ATP2A2: variants seen among roughly 807,000 people sequenced by gnomAD.
The protein encoded by ATP2A2 is sarcoplasmic/endoplasmic reticulum calcium ATPase 2.
Under a neutral mutation model 109.3 loss-of-function variants are expected in ATP2A2, and 14 were observed. The observed-to-expected ratio is 0.13, with a 90% CI of 0.08 to 0.20. The LOEUF is 0.20. ATP2A2 is among the 10% of genes least tolerant of loss of function. ATP2A2 has a pLI of 1.00. For synonymous variants in ATP2A2, 506 were observed against 490.9 expected (o/e 1.03, Z -0.41); for missense variants, 657 against 1,321.6 (o/e 0.50, Z 7.80).
rs368907295 is a variant in ATP2A2 at position 110,301,461 on chromosome 12, AT to A, written c.463+4730del. ...TGTGAGAAACTTGGAAGTCATCTTG[AT>A]TTTTTCCCCCCTCTTATCCTCTGAT... On this transcript the variant is annotated intron_variant, in intron 5 of 19. Coordinates refer to ENST00000539276, the MANE Select transcript of ATP2A2 (RefSeq NM_170665.4). 7.1e-3 allele frequency among the ~76,000 whole-genome samples: 1,082 copies of A among 151,978 alleles called. 12 individuals carry two copies. Among genetic ancestry groups the A allele is most frequent in the African/African-American group, 0.021 (855 of 41,442 alleles).
At chr12:110,333,039 C>A in intron 9 of ATP2A2, 142 bp from the exon 10 acceptor site, 1 of 768,786 alleles carries the variant, frequency 1.3e-6, no homozygotes, top group Non-Finnish European at 2.3e-6. Context: ...TTGGCTCTGG[C>A]ATCAAATTGT....
chr12:110,317,020 A>G (rs1000917350), intron 5 of ATP2A2, among the ~76,000 whole-genome samples: 1 of 152,200 alleles, frequency 6.6e-6, no homozygotes, highest in African/African-American at 2.4e-5. Flanking sequence ...CAGTAGTATA[A>G]TGGGGTATTG....
intron 1 of ATP2A2, among the ~76,000 whole-genome samples, chr12:110,282,281 G>A (rs542487349): frequency 6.6e-6 from 1 of 152,310 alleles, no homozygotes; most frequent in South Asian, 2.1e-4. Context: ...GACCGTTCTT[G>A]TCCTACCCAA....
chr12:110,291,592 G>A (rs1210796375), intron 3 of ATP2A2, among the ~76,000 whole-genome samples: 3 of 150,058 alleles, frequency 2.0e-5, no homozygotes, highest in Non-Finnish European at 3.0e-5. Flanking sequence ...TTTATTTCTA[G>A]AGAAAGAAAA....
intron 1 of ATP2A2, 112 bp downstream of exon 1, chr12:110,282,019 G>A (rs1181897125): frequency 1.1e-5 from 9 of 825,500 alleles, no homozygotes; most frequent in Admixed American, 3.7e-5. Context: ...CGACAGCTGC[G>A]GGCGGAGGGT....
In ATP2A2 at chr12:110,282,847, A is replaced by G. The variant is rs781711008; in HGVS notation, c.219+52A>G. The G allele has an allele frequency of 2.8e-6, 4 of 1,447,676 alleles. No individual in the cohort carries two copies. The South Asian group carries it at 3.5e-5, about 13-fold the overall frequency. The allele number at this position is 1,447,676 out of a possible 1,614,324, so 89.7% of individuals were successfully genotyped here. A position where few individuals can be genotyped will look rare whatever the true frequency, so the allele number is the denominator to read the frequency against. Reference sequence around the variant, plus strand: ...TCCCCCCAAAAGCTGAAAGTATTCCATAGATAAATCAGAAAACAAATGATG... The same window carrying G: ...TCCCCCCAAAAGCTGAAAGTATTCCGTAGATAAATCAGAAAACAAATGATG... On this transcript the variant is annotated intron_variant, in intron 3 of 19. Coordinates refer to ENST00000539276, the MANE Select transcript of ATP2A2 (RefSeq NM_170665.4).
At position 110,347,762 on chromosome 12, in the gene ATP2A2, T is replaced by G. The variant is rs1229402070; in HGVS notation, c.*1292T>G. The G allele has an allele frequency of 9.4e-7, 1 of 1,064,834 alleles. No individual in the cohort carries two copies. Among genetic ancestry groups the G allele is most frequent in the Non-Finnish European group, 1.1e-6 (1 of 876,408 alleles). 66.0% of individuals were successfully genotyped at this position (1,064,834 alleles called of 1,614,324 possible). ...AACAGTCCTAACTGTGGTGTTTTCC[T>G]CCAATGCCTTCCAACATCCATCAAC... On this transcript the variant is annotated 3_prime_UTR_variant, in exon 20 of 20. Transcript: ENST00000539276.
At position 110,350,109 on chromosome 12, in the gene ATP2A2, C is replaced by A; in HGVS notation, c.*3639C>A. ...GTCACTGAGCCAGTGCTTCTAGATG[C>A]TACCCTGTGTGGGCGGCACCTCAGG... On this transcript the variant is annotated 3_prime_UTR_variant, in exon 20 of 20. Transcript: ENST00000539276. 2.0e-6 allele frequency: 3 copies of A among 1,490,440 alleles called. No individual in the cohort carries two copies. In the South Asian group the frequency reaches 4.0e-5, roughly 20 times the overall value. 92.3% of individuals were successfully genotyped at this position (1,490,440 alleles called of 1,614,324 possible).
intron 5 of ATP2A2, among the ~76,000 whole-genome samples, chr12:110,310,656 T>C (rs1875931860): frequency 6.6e-6 from 1 of 151,820 alleles, no homozygotes; most frequent in African/African-American, 2.4e-5. Context: ...AGCAACACAA[T>C]CTTAAAATTG....
chr12:110,294,964 C>T (rs1022419971), intron 4 of ATP2A2, among the ~76,000 whole-genome samples: 9 of 151,894 alleles, frequency 5.9e-5, no homozygotes, highest in East Asian at 5.9e-4. Flanking sequence ...GGATTACAGG[C>T]GTGCACCACC....
intron 5 of ATP2A2, among the ~76,000 whole-genome samples, chr12:110,320,570 T>G (rs902326319): frequency 1.3e-5 from 2 of 152,238 alleles, no homozygotes; most frequent in Non-Finnish European, 2.9e-5. Context: ...TAAAGACCAC[T>G]AAAGTTTAGA....
intron 18 of ATP2A2, chr12:110,345,795 T>A (rs564970471): frequency 1.5e-6 from 1 of 657,778 alleles, no homozygotes; most frequent in East Asian, 2.8e-5. Flanking sequence ...GGGTCTGCTA[T>A]GCCAAAACAT....
chr12:110,335,266 C>T (rs1398659492), intron 11 of ATP2A2, among the ~76,000 whole-genome samples: 1 of 152,188 alleles, frequency 6.6e-6, no homozygotes, highest in African/African-American at 2.4e-5. Context: ...TCAGTAGAAA[C>T]ACTTTGCAAC....
At chr12:110,332,263 T>C in intron 8 of ATP2A2, 1 of 358,360 alleles carries the variant, frequency 2.8e-6, no homozygotes, top group Non-Finnish European at 5.3e-6. Context: ...AACTGACCTT[T>C]TGCTGACCGG....
chr12:110,294,750 G>A (rs574885547), intron 4 of ATP2A2, among the ~76,000 whole-genome samples: 2 of 152,310 alleles, frequency 1.3e-5, no homozygotes, highest in South Asian at 2.1e-4. Context: ...CTGAAAGTAA[G>A]GAAAATTATA....
chr12:110,339,855 C>A lies in ATP2A2; in HGVS notation c.1761+134C>A. Reference sequence around the variant, plus strand: ...GTGTGGTTATTTGTTTTTCTGCCTGCCAGCTGTGTCACCCTTAAAATTTGC... The same window carrying A: ...GTGTGGTTATTTGTTTTTCTGCCTGACAGCTGTGTCACCCTTAAAATTTGC... On this transcript the variant is annotated intron_variant, in intron 13 of 19. Coordinates refer to ENST00000539276, the MANE Select transcript of ATP2A2 (RefSeq NM_170665.4). This position sits in a 1 kb window ranked among gnomAD's most constrained non-coding sequence, Gnocchi z 4.4. 2 of 930,534 alleles carry A rather than the reference C, an allele frequency of 2.1e-6. No homozygotes were observed. The highest frequency in any genetic ancestry group is 3.3e-6 in the Non-Finnish European group (2 of 598,798). 57.6% of individuals were successfully genotyped at this position (930,534 alleles called of 1,614,324 possible).
At chr12:110,310,953 C>G (rs1298731019) in intron 5 of ATP2A2, among the ~76,000 whole-genome samples, 1 of 152,104 alleles carries the variant, frequency 6.6e-6, no homozygotes, top group South Asian at 2.1e-4. Flanking sequence ...ATATAAGAAC[C>G]TGGATTATGA....
chr12:110,339,273 C>T lies in ATP2A2; in HGVS notation c.1420-8C>T. 4 of 1,613,762 alleles carry T rather than the reference C, an allele frequency of 2.5e-6. No homozygotes were observed. Among genetic ancestry groups the T allele is most frequent in the Non-Finnish European group, 3.4e-6 (4 of 1,180,002 alleles). ...ACCCAGTAGTATCCATATTTGTTCC[C>T]TTTGTAGGTCATTAAACAGCTGATG... On this transcript the variant is annotated splice_region_variant and splice_polypyrimidine_tract_variant and intron_variant, in intron 11 of 19. Coordinates refer to ENST00000539276, the MANE Select transcript of ATP2A2 (RefSeq NM_170665.4). This position sits in a 1 kb window ranked among gnomAD's most constrained non-coding sequence, Gnocchi z 4.4.
chr12:110,296,510 G>T lies in ATP2A2; in HGVS notation c.325-89G>T. 1 of 1,548,130 alleles carries T rather than the reference G, an allele frequency of 6.5e-7. No homozygotes were observed. The highest frequency in any genetic ancestry group is 8.9e-7 in the Non-Finnish European group (1 of 1,121,646). On this transcript the variant is annotated intron_variant, in intron 4 of 19. Transcript: ENST00000539276. ...CTGGTGGGCTTCCTTTCTTTTTAAA[G>T]ATTAGACCTCTAACATTTTATTCCT...
Sources: allele counts gnomAD v4.1 joint callset (sites outside exome capture counted in the v4.1 genomes callset), GRCh38; gene constraint gnomAD v4.1.1; non-coding constraint Gnocchi (gnomAD v3.1); transcripts MANE v1.5; gene names NCBI Gene and HGNC (gene_info 2026-07-23, HGNC 2026-07-21).